Variants in WNT3A observed in about 807,000 individuals in gnomAD.
WNT3A encodes the protein protein Wnt-3a.
Under a neutral mutation model 37.0 loss-of-function variants are expected in WNT3A, and 17 were observed. That is an observed-to-expected ratio of 0.46 (90% CI 0.31 to 0.69). The LOEUF is 0.69. Among genes scored for constraint, WNT3A ranks in the 30% least tolerant of loss-of-function variants. The pLI, the probability that WNT3A is intolerant of heterozygous loss-of-function variation, is 0.05. For synonymous variants in WNT3A, 187 were observed against 211.0 expected, an observed-to-expected ratio of 0.89 and a Z score of 0.99; for missense variants, 411 against 510.2, an observed-to-expected ratio of 0.81 and a Z score of 1.87.
chr1:228,060,485 C>A lies in WNT3A; in HGVS notation c.*1020C>A, dbSNP rs370077555. On this transcript the variant is annotated 3_prime_UTR_variant, in exon 4 of 4. Coordinates refer to ENST00000284523, the MANE Select transcript of WNT3A (RefSeq NM_033131.4). ...CCTGAAGGGCCTCCCAGCCCCCAAC[C>A]CCAAGACCAAGCTTAGTCCTGGGAG... 8.0e-6 allele frequency: 3 copies of A among 372,904 alleles called. No individual in the cohort carries two copies. The highest frequency in any genetic ancestry group is 7.7e-5 in the East Asian group (1 of 12,904). The allele number at this position is 372,904 out of a possible 1,614,324, so 23.1% of individuals were successfully genotyped here. A position where few individuals can be genotyped will look rare whatever the true frequency, so the allele number is the denominator to read the frequency against.
chr1:228,025,614 G>C (rs2030834944), intron 2 of WNT3A, among the ~76,000 whole-genome samples: 1 of 152,188 alleles, frequency 6.6e-6, no homozygotes, highest in African/African-American at 2.4e-5. Context: ...CTCCCAAAGT[G>C]TTGGGATTAC....
Position 228,008,403 on chromosome 1 carries a change from G to T in WNT3A, c.71+1204G>T, listed in dbSNP as rs903862399. On this transcript the variant is annotated intron_variant, in intron 1 of 3. Transcript: ENST00000284523. The surrounding 1 kb of genome is among the most constrained non-coding windows in gnomAD (Gnocchi z 4.9). ...TTTCTCTTCGAGATGGTTCAGGAGC[G>T]GGGGCTCCCGCGGTAGGGGCGCCGG... 1.6e-4 allele frequency among the ~76,000 whole-genome samples: 25 copies of T among 152,342 alleles called. No individual in the cohort carries two copies. Among genetic ancestry groups the T allele is most frequent in the African/African-American group, 5.8e-4 (24 of 41,594 alleles).
intron 2 of WNT3A, among the ~76,000 whole-genome samples, chr1:228,036,189 C>T (rs1269091413): frequency 1.3e-5 from 2 of 152,182 alleles, no homozygotes; most frequent in African/African-American, 2.4e-5. Context: ...GCCTGACCAC[C>T]CCTGCCAAGA....
At chr1:228,013,551 G>A (rs1371509312) in intron 1 of WNT3A, among the ~76,000 whole-genome samples, 1 of 152,226 alleles carries the variant, frequency 6.6e-6, no homozygotes, top group Admixed American at 6.5e-5. Context: ...GGCAGGAGGA[G>A]GTGCGGGTTG....
chr1:228,012,846 G>A (rs182119809), intron 1 of WNT3A, among the ~76,000 whole-genome samples: 113 of 152,192 alleles, frequency 7.4e-4, no homozygotes, highest in Non-Finnish European at 1.3e-3. Flanking sequence ...TGCAGCTACC[G>A]AGGCCGAAGA....
intron 3 of WNT3A, among the ~76,000 whole-genome samples, chr1:228,055,179 A>AAT (rs1180107835): frequency 0.077 from 1,460 of 19,046 alleles, 42 homozygotes; most frequent in Non-Finnish European, 0.096. Context: ...AAAAAAAAAA[A>AAT]ATATATATAT....
rs2031781311 is a variant in WNT3A at position 228,060,455 on chromosome 1, G to A, written c.*990G>A. Reference sequence around the variant, plus strand: ...CACCTGACCAGGGGCCCTACCTGGGGAAAGCCTGAAGGGCCTCCCAGCCCC... The same window carrying A: ...CACCTGACCAGGGGCCCTACCTGGGAAAAGCCTGAAGGGCCTCCCAGCCCC... On this transcript the variant is annotated 3_prime_UTR_variant, in exon 4 of 4. Transcript: ENST00000284523. 1 of 483,916 alleles carries A rather than the reference G, an allele frequency of 2.1e-6. No individual in the cohort carries two copies. The highest frequency in any genetic ancestry group is 1.9e-5 in the South Asian group (1 of 51,480). 30.0% of individuals were successfully genotyped at this position (483,916 alleles called of 1,614,324 possible). A position where few individuals can be genotyped will look rare whatever the true frequency, so the allele number is the denominator to read the frequency against.
intron 1 of WNT3A, among the ~76,000 whole-genome samples, chr1:228,013,978 A>G (rs1430203807): frequency 2.0e-5 from 3 of 152,172 alleles, no homozygotes; most frequent in Non-Finnish European, 2.9e-5. Context: ...AGAGACACCC[A>G]CCTGCCCTGG....
intron 1 of WNT3A, among the ~76,000 whole-genome samples, chr1:228,013,759 T>G (rs2030445827): frequency 6.6e-6 from 1 of 152,134 alleles, no homozygotes; most frequent in South Asian, 2.1e-4. Context: ...CCCAGGCAGG[T>G]GGGTGCCCTC....
chr1:228,055,219 T>TATATATATACACACAC (rs1422386068), intron 3 of WNT3A, among the ~76,000 whole-genome samples: 1 of 98,478 alleles, frequency 1.0e-5, no homozygotes, highest in East Asian at 3.3e-4. Flanking sequence ...TATATATATA[T>TATATATATACACACAC]ACACACACAC....
intron 3 of WNT3A, among the ~76,000 whole-genome samples, chr1:228,055,179 A>T (rs4653898): frequency 0.016 from 297 of 18,558 alleles, 1 homozygote; most frequent in South Asian, 0.033. Flanking sequence ...AAAAAAAAAA[A>T]ATATATATAT....
Position 228,009,218 on chromosome 1 carries a change from T to C in WNT3A, c.71+2019T>C, listed in dbSNP as rs2030300496. Reference sequence around the variant, plus strand: ...GAGGCTGGCTCCCTGGGGACAAGTCTGCCCCCTTCTTGATCCCCTCTCTGC... The same window carrying C: ...GAGGCTGGCTCCCTGGGGACAAGTCCGCCCCCTTCTTGATCCCCTCTCTGC... On this transcript the variant is annotated intron_variant, in intron 1 of 3. Transcript: ENST00000284523. Among the ~76,000 whole-genome samples, 3 of 152,170 alleles carry C rather than the reference T, an allele frequency of 2.0e-5. No individual in the cohort carries two copies. In the South Asian group the frequency reaches 6.2e-4, roughly 32 times the overall value.
chr1:228,045,983 G>A (rs1019290126), intron 2 of WNT3A, among the ~76,000 whole-genome samples: 10 of 152,240 alleles, frequency 6.6e-5, no homozygotes, highest in African/African-American at 2.4e-4. Flanking sequence ...GGGAGTCAGT[G>A]GGCAAATCTT....
In WNT3A at chr1:228,007,098, C is replaced by A; in HGVS notation, c.-31C>A. 1 of 1,533,936 alleles carries A rather than the reference C, an allele frequency of 6.5e-7. No homozygotes were observed. The highest frequency in any genetic ancestry group is 8.8e-7 in the Non-Finnish European group (1 of 1,141,330). On this transcript the variant is annotated 5_prime_UTR_variant, in exon 1 of 4. Transcript: ENST00000284523. The surrounding 1 kb of genome is among the most constrained non-coding windows in gnomAD (Gnocchi z 6.0). ...CCGGCGCTCACGCTCTCGGGGCGGA[C>A]TCCCGGCCCTCCGCGCCCTCTCGCG...
chr1:228,008,628 G>C lies in WNT3A; in HGVS notation c.71+1429G>C, dbSNP rs1246300334. On this transcript the variant is annotated intron_variant, in intron 1 of 3. Coordinates refer to ENST00000284523, the MANE Select transcript of WNT3A (RefSeq NM_033131.4). The surrounding 1 kb of genome is among the most constrained non-coding windows in gnomAD (Gnocchi z 4.9). ...GCTCGCCTTGGGGTGCGGGGATACTGACGCGCGTCCAGACGGCCGCAGGGA... is the reference window on the plus strand; with the variant it reads ...GCTCGCCTTGGGGTGCGGGGATACTCACGCGCGTCCAGACGGCCGCAGGGA... Among the ~76,000 whole-genome samples, 2 of 152,144 alleles carry C rather than the reference G, an allele frequency of 1.3e-5. No homozygotes were observed. Among genetic ancestry groups the C allele is most frequent in the Admixed American group, 6.5e-5 (1 of 15,292 alleles).
chr1:228,059,847 T>G lies in WNT3A; in HGVS notation c.*382T>G. On this transcript the variant is annotated 3_prime_UTR_variant, in exon 4 of 4. Coordinates refer to ENST00000284523, the MANE Select transcript of WNT3A (RefSeq NM_033131.4). The stretch of plus-strand genomic sequence containing the variant: ...GCCCCTCCCAGTAAGGGCGTGGCTC[T>G]GGGTGGGCGGGGCACTAGGTAGGCT... 3.8e-6 allele frequency: 4 copies of G among 1,049,094 alleles called. No homozygotes were observed. The highest frequency in any genetic ancestry group is 3.4e-6 in the Non-Finnish European group (3 of 870,978). The allele number at this position is 1,049,094 out of a possible 1,614,324, so 65.0% of individuals were successfully genotyped here.
At chr1:228,044,670 C>A (rs1425790154) in intron 2 of WNT3A, among the ~76,000 whole-genome samples, 1 of 152,206 alleles carries the variant, frequency 6.6e-6, no homozygotes, top group Non-Finnish European at 1.5e-5. Context: ...TTAACTCAGT[C>A]CCCAGAATAA....
chr1:228,029,789 T>G (rs1481692331), intron 2 of WNT3A, among the ~76,000 whole-genome samples: 1 of 144,728 alleles, frequency 6.9e-6, no homozygotes, highest in Non-Finnish European at 1.5e-5. Flanking sequence ...GGTGACGGTG[T>G]TAGAAGGTGG....
At chr1:228,029,359 G>A (rs2030940998) in intron 2 of WNT3A, among the ~76,000 whole-genome samples, 1 of 152,224 alleles carries the variant, frequency 6.6e-6, no homozygotes, top group Non-Finnish European at 1.5e-5. Flanking sequence ...AATGTGCATA[G>A]TACCATCCAC....
Sources: allele counts gnomAD v4.1 joint callset (sites outside exome capture counted in the v4.1 genomes callset), GRCh38; gene constraint gnomAD v4.1.1; non-coding constraint Gnocchi (gnomAD v3.1); transcripts MANE v1.5; gene names NCBI Gene and HGNC (gene_info 2026-07-23, HGNC 2026-07-21).